MGAT4C: variants seen among roughly 807,000 people sequenced by gnomAD.
MGAT4C encodes the protein MGAT4 family member C, also known as alpha-1,3-mannosyl-glycoprotein 4-beta-N-acetylglucosaminyltransferase C.
In MGAT4C, 19 loss-of-function variants were observed where a neutral mutation model predicts 40.1. The ratio of observed to expected loss-of-function variants is 0.47; its 90% CI spans 0.33 to 0.70. MGAT4C has a LOEUF of 0.70. Among genes scored for constraint, MGAT4C ranks in the 30% least tolerant of loss-of-function variants. The pLI is 0.02. For synonymous variants in MGAT4C, 181 were observed against 187.1 expected (o/e 0.97, Z 0.27); for missense variants, 491 against 563.2 (o/e 0.87, Z 1.30).
At chr12:86,176,873 T>C (rs900061164) in intron 1 of MGAT4C, among the ~76,000 whole-genome samples, 4 of 148,640 alleles carry the variant, frequency 2.7e-5, no homozygotes, top group Non-Finnish European at 4.4e-5. Context: ...ATATTTCTTA[T>C]GTATTAAGTG....
intron 1 of MGAT4C, among the ~76,000 whole-genome samples, chr12:86,056,745 AC>A (rs1286899354): frequency 6.6e-6 from 1 of 152,112 alleles, no homozygotes; most frequent in Non-Finnish European, 1.5e-5. Context: ...TTGGGTATAT[AC>A]CCAGTAATAG....
At position 86,505,347 on chromosome 12, in the gene MGAT4C, G is replaced by A. The variant is rs113369091; in HGVS notation, c.-228-70082C>T. On this transcript the variant is annotated intron_variant, in intron 2 of 7. Coordinates refer to the MGAT4C transcript ENST00000548651. The stretch of plus-strand genomic sequence containing the variant: ...CTCAATGCAGGAGATGATGAATAAG[G>A]CTCCAGCACATGATCAAGAAAATTC... 3.4e-3 allele frequency among the ~76,000 whole-genome samples: 510 copies of A among 152,222 alleles called. 1 individual carries two copies. The highest frequency in any genetic ancestry group is 0.012 in the African/African-American group (493 of 41,526).
chr12:86,574,058 T>C (rs1267225925), intron 2 of MGAT4C, among the ~76,000 whole-genome samples: 2 of 151,738 alleles, frequency 1.3e-5, no homozygotes, highest in Non-Finnish European at 2.9e-5. Flanking sequence ...TTTTTTTTCA[T>C]TTCCTAAAAA....
chr12:86,557,024 T>C (rs891318815), intron 2 of MGAT4C, among the ~76,000 whole-genome samples: 2 of 152,214 alleles, frequency 1.3e-5, no homozygotes, highest in Admixed American at 1.3e-4. Context: ...GAGGAAAAAA[T>C]GTAAAAACAT....
At chr12:86,437,242 G>A (rs1957152548) in intron 2 of MGAT4C, among the ~76,000 whole-genome samples, 1 of 151,836 alleles carries the variant, frequency 6.6e-6, no homozygotes, top group Admixed American at 6.6e-5. Flanking sequence ...GAAGAAGATT[G>A]TAGACATTTT....
chr12:86,157,967 A>G (rs1185929062), intron 1 of MGAT4C, among the ~76,000 whole-genome samples: 1 of 152,222 alleles, frequency 6.6e-6, no homozygotes, highest in Non-Finnish European at 1.5e-5. Flanking sequence ...AATATTAAAC[A>G]ACTGAAAAAT....
intron 2 of MGAT4C, among the ~76,000 whole-genome samples, chr12:86,610,779 TC>T (rs1593041677): frequency 1.4e-5 from 2 of 143,166 alleles, no homozygotes; most frequent in South Asian, 2.5e-4. Flanking sequence ...TGTGTGATGT[TC>T]CCCTTCCTTG....
chr12:86,464,023 T>C (rs1230807919), intron 2 of MGAT4C, among the ~76,000 whole-genome samples: 1 of 152,216 alleles, frequency 6.6e-6, no homozygotes, highest in Non-Finnish European at 1.5e-5. Context: ...ACAGAGTTAA[T>C]GTGTTTTTAA....
intron 1 of MGAT4C, among the ~76,000 whole-genome samples, chr12:86,836,896 T>A (rs962774662): frequency 6.6e-6 from 1 of 152,162 alleles, no homozygotes; most frequent in Non-Finnish European, 1.5e-5. Flanking sequence ...CTTTTTTTCC[T>A]ACTTGTGCCT....
At position 86,405,088 on chromosome 12, in the gene MGAT4C, C is replaced by G. The variant is rs185114428; in HGVS notation, c.-120+30069G>C. Among the ~76,000 whole-genome samples, 1,319 of 151,978 alleles carry G rather than the reference C, an allele frequency of 8.7e-3. 26 individuals are homozygous for G. The highest frequency in any genetic ancestry group is 0.031 in the African/African-American group (1,268 of 41,502). ...AAACTATGAAAGATTCCCCAGAATG[C>G]TTTTTATCAATAAAATTGAAGTATT... is the stretch of plus-strand genomic sequence containing the variant. On this transcript the variant is annotated intron_variant, in intron 3 of 7. Transcript: ENST00000548651.
intron 2 of MGAT4C, among the ~76,000 whole-genome samples, chr12:86,674,696 C>CA (rs1017181339): frequency 1.3e-5 from 2 of 151,672 alleles, no homozygotes; most frequent in African/African-American, 4.8e-5. Context: ...AACTCTGTCT[C>CA]AAAAAAATAA....
chr12:86,635,182 T>C (rs1489400128), intron 2 of MGAT4C, among the ~76,000 whole-genome samples: 1 of 152,156 alleles, frequency 6.6e-6, no homozygotes, highest in African/African-American at 2.4e-5. Flanking sequence ...TCTGTCTTTA[T>C]GCATCTAAAC....
chr12:86,408,763 C>T (rs1956540670), intron 3 of MGAT4C, among the ~76,000 whole-genome samples: 1 of 151,686 alleles, frequency 6.6e-6, no homozygotes, highest in Non-Finnish European at 1.5e-5. Flanking sequence ...AGATTGATCT[C>T]ATTATTTAAT....
At chr12:86,734,792 T>C (rs1485461554) in intron 1 of MGAT4C, among the ~76,000 whole-genome samples, 2 of 152,060 alleles carry the variant, frequency 1.3e-5, no homozygotes, top group East Asian at 1.9e-4. Context: ...TGTAGTATTC[T>C]ATTATACAGT....
chr12:85,990,288 T>G (rs751329978), intron 2 of MGAT4C, among the ~76,000 whole-genome samples: 1 of 152,164 alleles, frequency 6.6e-6, no homozygotes, highest in Non-Finnish European at 1.5e-5. Flanking sequence ...AAAAAATTTT[T>G]ACTCTTCTAT....
intron 1 of MGAT4C, among the ~76,000 whole-genome samples, chr12:86,153,676 T>C (rs966051623): frequency 1.2e-4 from 19 of 152,200 alleles, no homozygotes; most frequent in African/African-American, 4.6e-4. Context: ...TGAGATCTGA[T>C]GGTTTTATAA....
intron 4 of MGAT4C, among the ~76,000 whole-genome samples, chr12:86,332,751 A>T (rs1043153585): frequency 1.3e-5 from 2 of 152,138 alleles, no homozygotes; most frequent in African/African-American, 4.8e-5. Flanking sequence ...TAAATAAAGG[A>T]GCTATGAAAG....
At chr12:86,585,122 T>G (rs924487025) in intron 2 of MGAT4C, among the ~76,000 whole-genome samples, 3 of 151,466 alleles carry the variant, frequency 2.0e-5, no homozygotes. Context: ...TAATGTAATT[T>G]GTACTGTACC....
chr12:86,018,781 T>A (rs1889355273), intron 2 of MGAT4C, among the ~76,000 whole-genome samples: 1 of 152,178 alleles, frequency 6.6e-6, no homozygotes, highest in African/African-American at 2.4e-5. Context: ...AGAGACTAAG[T>A]ATCCTACAAT....
Sources: gnomAD v4.1 joint callset for allele counts (sites outside exome capture counted in the v4.1 genomes callset) on GRCh38, gnomAD v4.1.1 for gene constraint, MANE v1.5 for transcripts, NCBI Gene and HGNC (gene_info 2026-07-23, HGNC 2026-07-21) for gene names.